The following RFX4 variants were observed in gnomAD, a reference collection of about 807,000 sequenced individuals.
RFX4 encodes transcription factor RFX4.
RFX4 carries 10 observed loss-of-function variants against 95.0 expected under a neutral mutation model. The ratio of observed to expected loss-of-function variants is 0.11; its 90% CI spans 0.06 to 0.18. The LOEUF (loss-of-function observed/expected upper bound fraction) is 0.18, where lower values mean the gene tolerates loss of function less well. RFX4 is among the 10% of genes least tolerant of loss of function. The pLI is 1.00. For missense variants in RFX4, 640 were observed against 922.0 expected (o/e 0.69, Z 3.96); for synonymous variants, 321 against 340.7 (o/e 0.94, Z 0.64).
chr12:106,648,912 C>G (rs541021389), intron 3 of RFX4, among the ~76,000 whole-genome samples: 34 of 152,180 alleles, frequency 2.2e-4, no homozygotes, highest in African/African-American at 7.7e-4. Flanking sequence ...CTCCATGTGC[C>G]TTAGGAGGCC....
chr12:106,745,938 A>C (rs976690798), intron 15 of RFX4, among the ~76,000 whole-genome samples: 2 of 152,222 alleles, frequency 1.3e-5, no homozygotes, highest in African/African-American at 4.8e-5. Context: ...CATTAAAAAA[A>C]ATTCTAGCCC....
intron 15 of RFX4, among the ~76,000 whole-genome samples, chr12:106,740,811 C>G (rs2042791950): frequency 8.0e-6 from 1 of 124,238 alleles, no homozygotes; most frequent in South Asian, 2.6e-4. Context: ...AGTTGGTGGT[C>G]AGAGATGCCT....
chr12:106,618,374 T>C (rs928759459), intron 2 of RFX4, among the ~76,000 whole-genome samples: 1 of 152,180 alleles, frequency 6.6e-6, no homozygotes. Context: ...GCTCTGATTA[T>C]GGTTATGGCT....
At chr12:106,602,680 C>G (rs541837492) in intron 1 of RFX4, among the ~76,000 whole-genome samples, 1 of 152,308 alleles carries the variant, frequency 6.6e-6, no homozygotes, top group South Asian at 2.1e-4. Flanking sequence ...GGTCCCCTCT[C>G]TCTGAATCTT....
intron 5 of RFX4, chr12:106,685,031 A>T: frequency 6.9e-7 from 1 of 1,453,612 alleles, no homozygotes; most frequent in Non-Finnish European, 9.2e-7. Context: ...TGTGACTTTC[A>T]TTGTATCTCC....
chr12:106,602,888 A>T (rs1158825746), intron 1 of RFX4, among the ~76,000 whole-genome samples: 1 of 152,216 alleles, frequency 6.6e-6, no homozygotes, highest in Non-Finnish European at 1.5e-5. Flanking sequence ...ACTGAACAAG[A>T]TAGACAAGGT....
rs565323931 is a variant in RFX4, at chr12:106,586,214, G to A, written c.43+2851G>A. ...GCAGGGGCAGTCGACGCACCTTCTG[G>A]CCGGTGCGCGGTTTGCAGTAAGCGC... On this transcript the variant is annotated intron_variant, in intron 1 of 17. Transcript: ENST00000392842. The surrounding 1 kb of genome is among the most constrained non-coding windows in gnomAD (Gnocchi z 5.6). 6.6e-6 allele frequency among the ~76,000 whole-genome samples: 1 copy of A among 152,208 alleles called. No homozygotes were observed. The highest frequency in any genetic ancestry group is 2.1e-4 in the South Asian group (1 of 4,832).
intron 2 of RFX4, among the ~76,000 whole-genome samples, chr12:106,611,933 G>A (rs2039969897): frequency 6.6e-6 from 1 of 152,216 alleles, no homozygotes; most frequent in Admixed American, 6.5e-5. Flanking sequence ...GATCATGTAT[G>A]TGGAGGTTTA....
intron 3 of RFX4, among the ~76,000 whole-genome samples, chr12:106,647,965 G>A (rs1374740883): frequency 6.6e-6 from 1 of 152,124 alleles, no homozygotes; most frequent in Non-Finnish European, 1.5e-5. Context: ...AACCAGTGCT[G>A]GCTCCTGATG....
intron 17 of RFX4, among the ~76,000 whole-genome samples, chr12:106,758,682 G>A (rs2043154718): frequency 1.3e-5 from 2 of 152,244 alleles, no homozygotes; most frequent in South Asian, 4.1e-4. Flanking sequence ...AGGAAGAGGA[G>A]CAGAGGGATT....
chr12:106,661,674 C>G (rs1207489247), intron 4 of RFX4, among the ~76,000 whole-genome samples: 1 of 152,202 alleles, frequency 6.6e-6, no homozygotes, highest in Admixed American at 6.5e-5. Flanking sequence ...TGGTATCATG[C>G]AGAGTATTTT....
At chr12:106,651,602 C>G (rs1230197717) in intron 3 of RFX4, among the ~76,000 whole-genome samples, 1 of 152,138 alleles carries the variant, frequency 6.6e-6, no homozygotes, top group African/African-American at 2.4e-5. Flanking sequence ...GTGCATATGT[C>G]TCCCCAAATA....
rs774717757 is a variant in RFX4 at position 106,630,994 on chromosome 12, C to T, written c.131-8338C>T. Among the ~76,000 whole-genome samples, 5 of 152,218 alleles carry T rather than the reference C, an allele frequency of 3.3e-5. 1 individual carries two copies. The highest frequency in any genetic ancestry group is 4.8e-5 in the African/African-American group (2 of 41,460). On this transcript the variant is annotated intron_variant, in intron 2 of 17. Coordinates refer to ENST00000392842, the MANE Select transcript of RFX4 (RefSeq NM_213594.3). ...CTTTGCTCTGCCACTCACTATGTGA[C>T]CTCAGACAAATTCCTTCACTTCTCT...
chr12:106,713,170 G>A (rs557571540), intron 10 of RFX4, among the ~76,000 whole-genome samples: 1 of 152,306 alleles, frequency 6.6e-6, no homozygotes, highest in Admixed American at 6.5e-5. Context: ...ATCCCAGTGA[G>A]CTTTCCCAAA....
intron 4 of RFX4, among the ~76,000 whole-genome samples, chr12:106,671,549 C>T (rs2041280890): frequency 6.6e-6 from 1 of 152,158 alleles, no homozygotes; most frequent in African/African-American, 2.4e-5. Flanking sequence ...GTTTCTTCCA[C>T]TGGCCAGAGA....
In RFX4 at chr12:106,654,339, C is replaced by T; in HGVS notation, c.303C>T (p.Ala101=). ...EKNDTQPVNA[A]SFGKIIRQQF... ...ATGATACCCAACCTGTCAATGCTGC[C>T]AGCTTTGGAAAGGTGAGTCCAGCCT... The change falls in exon 4 of 18, where the codon GCC becomes GCT. Residue 101 remains alanine, a synonymous_variant. Transcript: ENST00000392842. 6.2e-7 allele frequency: 1 copy of T among 1,613,908 alleles called. No individual in the cohort carries two copies. The highest frequency in any genetic ancestry group is 8.5e-7 in the Non-Finnish European group (1 of 1,179,916).
At chr12:106,753,877 C>CAG (rs2043059709) in intron 17 of RFX4, among the ~76,000 whole-genome samples, 1 of 152,180 alleles carries the variant, frequency 6.6e-6, no homozygotes, top group South Asian at 2.1e-4. Flanking sequence ...GTGGTAAGAT[C>CAG]AGAGCTATGA....
At chr12:106,675,787 A>G (rs1437792843) in intron 4 of RFX4, among the ~76,000 whole-genome samples, 1 of 152,206 alleles carries the variant, frequency 6.6e-6, no homozygotes, top group Non-Finnish European at 1.5e-5. Context: ...CAATGAGAAC[A>G]TCCTGTGGGA....
intron 2 of RFX4, among the ~76,000 whole-genome samples, chr12:106,633,021 A>G (rs1036726712): frequency 3.3e-5 from 5 of 152,254 alleles, no homozygotes; most frequent in Admixed American, 3.3e-4. Context: ...CTCAATAAAT[A>G]TCTGATGAAT....
Sources: gnomAD v4.1 joint callset for allele counts (sites outside exome capture counted in the v4.1 genomes callset) on GRCh38, gnomAD v4.1.1 for gene constraint, Gnocchi (gnomAD v3.1) non-coding constraint, MANE v1.5 for transcripts, NCBI Gene and HGNC (gene_info 2026-07-23, HGNC 2026-07-21) for gene names.